Variants in SLC9A9 observed in about 807,000 individuals in gnomAD.
The protein encoded by SLC9A9 is sodium/hydrogen exchanger 9.
SLC9A9 carries 62 observed loss-of-function variants against 77.8 expected under a neutral mutation model. The ratio of observed to expected loss-of-function variants is 0.80; its 90% CI spans 0.65 to 0.98. SLC9A9 has a LOEUF of 0.98. SLC9A9 is among the 50% of genes least tolerant of loss of function. The probability of loss-of-function intolerance (pLI) is 0.00; values close to 1 mark genes in which losing one functional copy is unlikely to be tolerated. For missense variants in SLC9A9, 775 were observed against 774.9 expected (o/e 1.00, Z 0.00); for synonymous variants, 320 against 283.5 (o/e 1.13, Z -1.29).
chr3:143,400,734 A>G (rs1175655369), intron 12 of SLC9A9, among the ~76,000 whole-genome samples: 2 of 151,884 alleles, frequency 1.3e-5, no homozygotes, highest in Non-Finnish European at 2.9e-5. Flanking sequence ...AAAAAAAAAA[A>G]AAAAGGTAAT....
At chr3:143,430,630 G>C (rs2034496814) in intron 12 of SLC9A9, among the ~76,000 whole-genome samples, 1 of 152,174 alleles carries the variant, frequency 6.6e-6, no homozygotes, top group Non-Finnish European at 1.5e-5. Context: ...AGAGGGGGAG[G>C]CCAATGAAGC....
At chr3:143,363,751 C>A (rs1255891531) in intron 13 of SLC9A9, among the ~76,000 whole-genome samples, 188 bp from the exon 14 acceptor site, 1 of 152,084 alleles carries the variant, frequency 6.6e-6, no homozygotes, top group Non-Finnish European at 1.5e-5. Context: ...GTGGATGAGA[C>A]CCTTTTGGAG....
rs572526804 is a variant in SLC9A9, at chr3:143,666,560, T to G, written c.650-14200A>C. On this transcript the variant is annotated intron_variant, in intron 5 of 15. Coordinates refer to ENST00000316549, the MANE Select transcript of SLC9A9 (RefSeq NM_173653.4). Reference sequence around the variant, plus strand: ...AAATCAAATTGTCCCTGTTTGCAGATGACATGATTGTATATTTAGAAAACC... The same window carrying G: ...AAATCAAATTGTCCCTGTTTGCAGAGGACATGATTGTATATTTAGAAAACC... 6.6e-5 allele frequency among the ~76,000 whole-genome samples: 10 copies of G among 152,332 alleles called. No homozygotes were observed. The South Asian group carries it at 2.1e-3, about 32-fold the overall frequency.
intron 6 of SLC9A9, among the ~76,000 whole-genome samples, chr3:143,624,965 C>T (rs1021710059): frequency 4.6e-5 from 7 of 152,074 alleles, no homozygotes; most frequent in Non-Finnish European, 1.0e-4. Flanking sequence ...TCTTATACAC[C>T]AATAACAGAC....
At position 143,777,716 on chromosome 3, in the gene SLC9A9, CTT is replaced by C. The variant is rs34103558; in HGVS notation, c.533+17283_533+17284del. On this transcript the variant is annotated intron_variant, in intron 4 of 15. Coordinates refer to ENST00000316549, the MANE Select transcript of SLC9A9 (RefSeq NM_173653.4). ...TACTTCCAAACTATTGTCACTGATA[CTT>C]TTTTTTTTTTTTTTGAGGCAGAGTC... Among the ~76,000 whole-genome samples the C allele has an allele frequency of 3.0e-3, 409 of 135,908 alleles. 1 individual carries two copies. The highest frequency in any genetic ancestry group is 5.2e-3 in the East Asian group (24 of 4,576). 89.2% of individuals were successfully genotyped at this position (135,908 alleles called of 152,430 possible). A position where few individuals can be genotyped will look rare whatever the true frequency, so the allele number is the denominator to read the frequency against.
intron 6 of SLC9A9, among the ~76,000 whole-genome samples, chr3:143,641,681 C>T (rs552712556): frequency 1.4e-4 from 21 of 152,346 alleles, no homozygotes; most frequent in African/African-American, 4.6e-4. Flanking sequence ...GCGTGAGCCA[C>T]TGTGCCCGGC....
chr3:143,761,653 A>G (rs2007126427), intron 4 of SLC9A9, among the ~76,000 whole-genome samples: 1 of 152,236 alleles, frequency 6.6e-6, no homozygotes, highest in African/African-American at 2.4e-5. Flanking sequence ...ACCATCTCAT[A>G]CCAGTTAGAA....
intron 4 of SLC9A9, among the ~76,000 whole-genome samples, chr3:143,762,128 G>T (rs2007147691): frequency 6.6e-6 from 1 of 152,110 alleles, no homozygotes; most frequent in Non-Finnish European, 1.5e-5. Context: ...ACTCATAGGT[G>T]GGAATTGAAC....
rs1344631908 is a variant in SLC9A9, at chr3:143,654,386, TA to T, written c.650-2027del. Among the ~76,000 whole-genome samples the T allele has an allele frequency of 3.3e-5, 5 of 152,370 alleles. No homozygotes were observed. The East Asian group carries it at 9.6e-4, about 29-fold the overall frequency. The stretch of plus-strand genomic sequence containing the variant: ...AGGCATAGAATCAATTTTATTATTC[TA>T]GCTGAATAGGTCCTATTAATCATGA... On this transcript the variant is annotated intron_variant, in intron 5 of 15. Transcript: ENST00000316549.
intron 5 of SLC9A9, among the ~76,000 whole-genome samples, chr3:143,679,766 G>T (rs1466649446): frequency 6.6e-6 from 1 of 151,756 alleles, no homozygotes; most frequent in Non-Finnish European, 1.5e-5. Context: ...ACACCTGAGG[G>T]TTATGACAAC....
chr3:143,442,068 T>C (rs946468580), intron 12 of SLC9A9, among the ~76,000 whole-genome samples: 5 of 152,050 alleles, frequency 3.3e-5, no homozygotes, highest in Admixed American at 3.3e-4. Flanking sequence ...CACCCACTCA[T>C]CAATCCAACC....
intron 8 of SLC9A9, among the ~76,000 whole-genome samples, chr3:143,567,855 T>G (rs1013995601): frequency 7.9e-5 from 12 of 152,178 alleles, no homozygotes; most frequent in African/African-American, 2.9e-4. Flanking sequence ...TTTAAAAGCT[T>G]GATTCTTTTT....
intron 1 of SLC9A9, among the ~76,000 whole-genome samples, chr3:143,841,698 G>A (rs544775756): frequency 1.3e-5 from 2 of 152,134 alleles, no homozygotes; most frequent in Non-Finnish European, 2.9e-5. Flanking sequence ...GCTTCTTTGA[G>A]ATTCAGAATA....
intron 2 of SLC9A9, among the ~76,000 whole-genome samples, chr3:143,817,144 T>C (rs76425760): frequency 1.0e-5 from 1 of 98,954 alleles, no homozygotes; most frequent in Non-Finnish European, 2.0e-5. Flanking sequence ...TTTTTTTTTT[T>C]ATTTTTTTTT....
intron 10 of SLC9A9, 22 bp downstream of exon 10, chr3:143,495,313 T>G: frequency 6.5e-7 from 1 of 1,527,910 alleles, no homozygotes; most frequent in Non-Finnish European, 9.1e-7. Flanking sequence ...AATCACCCCA[T>G]GTTCTGTATT....
intron 5 of SLC9A9, among the ~76,000 whole-genome samples, chr3:143,669,683 C>G (rs2039128673): frequency 6.6e-6 from 1 of 152,204 alleles, no homozygotes; most frequent in African/African-American, 2.4e-5. Flanking sequence ...TGGTTGGAAA[C>G]TTGACTGTGA....
chr3:143,739,362 C>A (rs936903759), intron 4 of SLC9A9, among the ~76,000 whole-genome samples: 1 of 152,122 alleles, frequency 6.6e-6, no homozygotes, highest in Non-Finnish European at 1.5e-5. Flanking sequence ...ATATATTTCC[C>A]GTTATCCCAT....
chr3:143,518,008 C>T (rs1317457709), intron 9 of SLC9A9: 17 of 1,413,250 alleles, frequency 1.2e-5, no homozygotes, highest in Admixed American at 8.4e-5. Context: ...CTTCACTTGA[C>T]GGTTCTTCTG....
At chr3:143,725,327 G>C (rs867060453) in intron 4 of SLC9A9, among the ~76,000 whole-genome samples, 1 of 151,968 alleles carries the variant, frequency 6.6e-6, no homozygotes, top group African/African-American at 2.4e-5. Flanking sequence ...AGTCAGTGTG[G>C]CGATTCCTCA....
Sources: gnomAD v4.1 joint callset for allele counts (sites outside exome capture counted in the v4.1 genomes callset) on GRCh38, gnomAD v4.1.1 for gene constraint, MANE v1.5 for transcripts, NCBI Gene and HGNC (gene_info 2026-07-23, HGNC 2026-07-21) for gene names.